DENND1A: variants seen among roughly 807,000 people sequenced by gnomAD.
DENND1A encodes the protein DENN domain containing 1A.
In DENND1A, 51 loss-of-function variants were observed where a neutral mutation model predicts 113.7. The ratio of observed to expected loss-of-function variants is 0.45; its 90% CI spans 0.36 to 0.57. The LOEUF is 0.57. DENND1A is among the 20% of genes least tolerant of loss of function. The probability of loss-of-function intolerance (pLI) is 0.00; values close to 1 mark genes in which losing one functional copy is unlikely to be tolerated. For missense variants in DENND1A, 1,258 were observed against 1,395.9 expected (o/e 0.90, Z 1.57); for synonymous variants, 565 against 570.8 (o/e 0.99, Z 0.14).
At chr9:123,717,192 C>T (rs7022212) in intron 5 of DENND1A, among the ~76,000 whole-genome samples, 11,558 of 152,072 alleles carry the variant, frequency 0.076, 906 homozygotes, top group African/African-American at 0.2. Flanking sequence ...CCTCTCTGGG[C>T]GTCATTAGTA....
chr9:123,518,387 C>T (rs529798845), intron 13 of DENND1A, among the ~76,000 whole-genome samples: 22 of 152,206 alleles, frequency 1.4e-4, no homozygotes, highest in South Asian at 4.2e-4. Flanking sequence ...GATATTCCCA[C>T]GGAGACAGCA....
chr9:123,433,481 G>A (rs1182163589), intron 19 of DENND1A, among the ~76,000 whole-genome samples: 1 of 152,156 alleles, frequency 6.6e-6, no homozygotes, highest in South Asian at 2.1e-4. Flanking sequence ...CCATTTGAAA[G>A]TAAGTTGCAA....
chr9:123,523,873 C>T (rs2135115866), intron 13 of DENND1A, among the ~76,000 whole-genome samples: 1 of 152,296 alleles, frequency 6.6e-6, no homozygotes, highest in South Asian at 2.1e-4. Context: ...TCTTCTAGTC[C>T]AGAAGCTTGA....
intron 1 of DENND1A, among the ~76,000 whole-genome samples, chr9:123,891,739 A>G (rs537253949): frequency 6.6e-6 from 1 of 152,362 alleles, no homozygotes; most frequent in African/African-American, 2.4e-5. Flanking sequence ...TCTCAAATCC[A>G]GCAGAGATGG....
intron 3 of DENND1A, among the ~76,000 whole-genome samples, chr9:123,779,791 T>C (rs1233196500): frequency 6.6e-6 from 1 of 152,170 alleles, no homozygotes; most frequent in Non-Finnish European, 1.5e-5. Context: ...AGCAGCCTGG[T>C]ATTCTGGAAC....
At chr9:123,640,946 G>A (rs1285074377) in intron 9 of DENND1A, among the ~76,000 whole-genome samples, 2 of 152,166 alleles carry the variant, frequency 1.3e-5, no homozygotes, top group East Asian at 3.8e-4. Context: ...TTTTTTCTTG[G>A]GAAAAGATAC....
intron 2 of DENND1A, among the ~76,000 whole-genome samples, chr9:123,857,033 G>C (rs531422970): frequency 6.6e-6 from 1 of 151,912 alleles, no homozygotes; most frequent in East Asian, 1.9e-4. Flanking sequence ...AATACATATA[G>C]ATGTACTCTC....
At chr9:123,433,573 C>T (rs2046298568) in intron 19 of DENND1A, among the ~76,000 whole-genome samples, 1 of 152,216 alleles carries the variant, frequency 6.6e-6, no homozygotes, top group Non-Finnish European at 1.5e-5. Context: ...ATCATATTAA[C>T]ATTAATCCCA....
chr9:123,816,312 C>T (rs1422486755), intron 2 of DENND1A, among the ~76,000 whole-genome samples: 3 of 152,052 alleles, frequency 2.0e-5, no homozygotes, highest in Non-Finnish European at 4.4e-5. Context: ...GAAACCAAAT[C>T]TTACAAGTTC....
chr9:123,702,341 TG>T (rs1381677880), intron 5 of DENND1A, among the ~76,000 whole-genome samples: 3 of 152,158 alleles, frequency 2.0e-5, no homozygotes, highest in Non-Finnish European at 2.9e-5. Context: ...TATGAGTTGC[TG>T]GTATTCAAGA....
intron 5 of DENND1A, among the ~76,000 whole-genome samples, chr9:123,684,758 A>G (rs1013758735): frequency 1.3e-5 from 2 of 152,172 alleles, no homozygotes; most frequent in African/African-American, 4.8e-5. Flanking sequence ...ATCTACCCAC[A>G]TATTTTCCCA....
At chr9:123,678,764 T>C (rs1239690132) in intron 5 of DENND1A, among the ~76,000 whole-genome samples, 1 of 152,234 alleles carries the variant, frequency 6.6e-6, no homozygotes, top group Non-Finnish European at 1.5e-5. Flanking sequence ...TTATCACTTA[T>C]GTTAATATGT....
chr9:123,432,043 T>A (rs913609229), intron 19 of DENND1A, among the ~76,000 whole-genome samples: 14 of 152,196 alleles, frequency 9.2e-5, no homozygotes, highest in Admixed American at 9.2e-4. Flanking sequence ...AGTTCTTCCA[T>A]GGTACATCAG....
At chr9:123,430,618 A>G (rs2046065901) in intron 19 of DENND1A, among the ~76,000 whole-genome samples, 1 of 152,242 alleles carries the variant, frequency 6.6e-6, no homozygotes, top group African/African-American at 2.4e-5. Flanking sequence ...TGGGAGCTGA[A>G]TGATGAGAAC....
At chr9:123,480,979 T>G (rs970500850) in intron 13 of DENND1A, among the ~76,000 whole-genome samples, 1 of 152,228 alleles carries the variant, frequency 6.6e-6, no homozygotes, top group African/African-American at 2.4e-5. Flanking sequence ...GCGCACACAT[T>G]GTTTAAAAAA....
chr9:123,622,347 C>T (rs1384210570), intron 10 of DENND1A, among the ~76,000 whole-genome samples: 6 of 152,184 alleles, frequency 3.9e-5, no homozygotes, highest in African/African-American at 1.2e-4. Flanking sequence ...AGGACTACTT[C>T]TGAAGGAGGA....
intron 5 of DENND1A, among the ~76,000 whole-genome samples, chr9:123,741,885 A>G (rs59567386): frequency 0.019 from 2,851 of 152,336 alleles, 102 homozygotes; most frequent in African/African-American, 0.064. Context: ...GATCATTCCT[A>G]TCAAAAAAGA....
intron 2 of DENND1A, among the ~76,000 whole-genome samples, chr9:123,850,564 G>A (rs1205245357): frequency 3.3e-5 from 5 of 152,080 alleles, no homozygotes; most frequent in African/African-American, 1.2e-4. Flanking sequence ...TATCTCTGAG[G>A]TATGCCTGTA....
At chr9:123,657,723 A>G (rs1182308469) in intron 8 of DENND1A, among the ~76,000 whole-genome samples, 1 of 151,104 alleles carries the variant, frequency 6.6e-6, no homozygotes, top group African/African-American at 2.4e-5. Flanking sequence ...TATTCAAATT[A>G]TTTTACCATA....
Sources: gnomAD v4.1 joint callset for allele counts (sites outside exome capture counted in the v4.1 genomes callset) on GRCh38, gnomAD v4.1.1 for gene constraint, MANE v1.5 for transcripts, NCBI Gene and HGNC (gene_info 2026-07-23, HGNC 2026-07-21) for gene names.